The following ELOVL6 variants were observed in gnomAD, a reference collection of about 807,000 sequenced individuals.
ELOVL6 encodes ELOVL fatty acid elongase 6, also known as very long chain fatty acid elongase 6.
ELOVL6 carries 8 observed loss-of-function variants against 31.7 expected under a neutral mutation model. The ratio of observed to expected loss-of-function variants is 0.25; its 90% confidence interval spans 0.15 to 0.45. The LOEUF is 0.45. Ranked by LOEUF, ELOVL6 falls within the 20% of genes least tolerant of loss-of-function variation. ELOVL6 has a pLI of 1.00. For synonymous variants in ELOVL6, 101 were observed against 117.7 expected, an observed-to-expected ratio of 0.86 and a Z score of 0.92; for missense variants, 126 against 326.4, an observed-to-expected ratio of 0.39 and a Z score of 4.73.
At chr4:110,081,661 A>G (rs1306084557) in intron 2 of ELOVL6, among the ~76,000 whole-genome samples, 2 of 151,122 alleles carry the variant, frequency 1.3e-5, no homozygotes, top group African/African-American at 4.9e-5. Flanking sequence ...CCTAGGCAAT[A>G]CCATTCAGGA....
In ELOVL6 at chr4:110,049,440, G is replaced by A. The variant is rs888479887; in HGVS notation, c.*1898C>T. 1 of 152,522 alleles carries A rather than the reference G, an allele frequency of 6.6e-6. No homozygotes were observed. Among genetic ancestry groups the A allele is most frequent in the Non-Finnish European group, 1.5e-5 (1 of 68,016 alleles). 9.4% of individuals were successfully genotyped at this position (152,522 alleles called of 1,614,324 possible). On this transcript the variant is annotated 3_prime_UTR_variant, in exon 4 of 4. Transcript: ENST00000302274. ...AAATTCCACACATAAACGAGATGCT[G>A]AAAAAGCCCTTGCCATCTCTGACAG...
At chr4:110,139,020 T>C (rs1391844002) in intron 1 of ELOVL6, among the ~76,000 whole-genome samples, 1 of 152,084 alleles carries the variant, frequency 6.6e-6, no homozygotes, top group Non-Finnish European at 1.5e-5. Context: ...AGAAAAAAGT[T>C]TTAAAGGGAT....
chr4:110,121,332 T>G (rs1048450104), intron 1 of ELOVL6, among the ~76,000 whole-genome samples: 1 of 152,178 alleles, frequency 6.6e-6, no homozygotes, highest in African/African-American at 2.4e-5. Context: ...TCAGCTAAGT[T>G]TGCATAGTCA....
chr4:110,188,162 C>T (rs1433138219), intron 1 of ELOVL6, among the ~76,000 whole-genome samples: 1 of 152,174 alleles, frequency 6.6e-6, no homozygotes, highest in African/African-American at 2.4e-5. Flanking sequence ...CAGATGGAAA[C>T]ACAAATTCCC....
chr4:110,102,780 C>A (rs928384024), intron 2 of ELOVL6, among the ~76,000 whole-genome samples: 1 of 152,030 alleles, frequency 6.6e-6, no homozygotes, highest in African/African-American at 2.4e-5. Context: ...CAACAACCAC[C>A]TTTAGTACCC....
At chr4:110,196,981 C>G (rs1313019566) in intron 1 of ELOVL6, among the ~76,000 whole-genome samples, 4 of 152,310 alleles carry the variant, frequency 2.6e-5, no homozygotes, top group African/African-American at 9.6e-5. Context: ...TTCGCAGCTG[C>G]GGCCCCGTGG....
At chr4:110,093,255 C>A in intron 2 of ELOVL6, 3 of 283,304 alleles carry the variant, frequency 1.1e-5, no homozygotes, top group South Asian at 3.3e-5. Context: ...TTATGAGGCA[C>A]CAAAATATTA....
At chr4:110,055,241 A>T (rs1754948290) in intron 3 of ELOVL6, among the ~76,000 whole-genome samples, 1 of 152,190 alleles carries the variant, frequency 6.6e-6, no homozygotes, top group South Asian at 2.1e-4. Context: ...GAGTCATGCC[A>T]AGTCATGGTA....
At chr4:110,078,612 C>T (rs1484781357) in intron 2 of ELOVL6, among the ~76,000 whole-genome samples, 2 of 152,166 alleles carry the variant, frequency 1.3e-5, no homozygotes, top group Non-Finnish European at 2.9e-5. Context: ...AAAGGAACAA[C>T]CAGTACCAGC....
At chr4:110,182,879 G>A (rs1235209285) in intron 1 of ELOVL6, among the ~76,000 whole-genome samples, 2 of 151,994 alleles carry the variant, frequency 1.3e-5, no homozygotes, top group African/African-American at 4.8e-5. Flanking sequence ...TTGCACTCCA[G>A]CCTGGGCAAC....
At chr4:110,059,464 G>T (rs1755080550) in intron 3 of ELOVL6, 139 bp downstream of exon 3, 3 of 832,450 alleles carry the variant, frequency 3.6e-6, no homozygotes, top group Non-Finnish European at 5.5e-6. Flanking sequence ...TAGAAGTCAG[G>T]CAAGAACTCA....
At chr4:110,096,314 A>C (rs764915875) in intron 2 of ELOVL6, among the ~76,000 whole-genome samples, 14 of 152,204 alleles carry the variant, frequency 9.2e-5, no homozygotes, top group Admixed American at 3.3e-4. Context: ...TTACTTTTAA[A>C]AGATAGAAAG....
rs1307742353 is a variant in ELOVL6 at position 110,168,039 on chromosome 4, ACTT to A, written c.89+30205_89+30207del. Among the ~76,000 whole-genome samples the A allele has an allele frequency of 2.0e-5, 3 of 152,194 alleles. No individual in the cohort carries two copies. In the East Asian group the frequency reaches 5.8e-4, roughly 29 times the overall value. On this transcript the variant is annotated intron_variant, in intron 1 of 3. Transcript: ENST00000302274. ...AAGGTATAGTTAGAAAACGTCTACT[ACTT>A]AAGATTAATATTTTAGTGGAAATTT...
intron 1 of ELOVL6, among the ~76,000 whole-genome samples, chr4:110,171,629 C>T (rs559972436): frequency 5.3e-5 from 8 of 150,480 alleles, no homozygotes; most frequent in Admixed American, 4.0e-4. Flanking sequence ...AAGCTCTTCT[C>T]CCATACATTG....
chr4:110,142,783 A>C (rs892038538), intron 1 of ELOVL6, among the ~76,000 whole-genome samples: 1 of 152,174 alleles, frequency 6.6e-6, no homozygotes, highest in African/African-American at 2.4e-5. Flanking sequence ...TTTGTTGGCT[A>C]TGCTGCCATT....
intron 1 of ELOVL6, among the ~76,000 whole-genome samples, chr4:110,167,820 G>A (rs550128017): frequency 6.6e-6 from 1 of 152,222 alleles, no homozygotes; most frequent in African/African-American, 2.4e-5. Flanking sequence ...ACAGGCGTGA[G>A]CTGCTGCACC....
At chr4:110,156,045 G>T (rs1484820016) in intron 1 of ELOVL6, among the ~76,000 whole-genome samples, 1 of 152,188 alleles carries the variant, frequency 6.6e-6, no homozygotes, top group East Asian at 1.9e-4. Context: ...AAATATGCCT[G>T]CTTTCCTTTC....
intron 1 of ELOVL6, among the ~76,000 whole-genome samples, chr4:110,123,519 T>C (rs1757409571): frequency 6.6e-6 from 1 of 152,048 alleles, no homozygotes; most frequent in Admixed American, 6.6e-5. Flanking sequence ...AATTATATAG[T>C]ATGTTAGAAA....
chr4:110,175,491 T>C (rs1422199663), intron 1 of ELOVL6, among the ~76,000 whole-genome samples: 2 of 152,132 alleles, frequency 1.3e-5, no homozygotes, highest in Admixed American at 6.5e-5. Flanking sequence ...GTGTGTAAAA[T>C]TTTAAATACT....
Sources: gnomAD v4.1 joint callset for allele counts (sites outside exome capture counted in the v4.1 genomes callset) on GRCh38, gnomAD v4.1.1 for gene constraint, MANE v1.5 for transcripts, NCBI Gene and HGNC (gene_info 2026-07-23, HGNC 2026-07-21) for gene names.